The following PGM2L1 variants were observed in gnomAD, a reference collection of about 807,000 sequenced individuals.
PGM2L1 encodes phosphoglucomutase 2 like 1.
A neutral mutation model predicts 73.4 loss-of-function variants in PGM2L1; 35 were observed. The observed-to-expected ratio is 0.48, with a 90% CI of 0.36 to 0.63. The LOEUF is 0.63. PGM2L1 is among the 30% of genes least tolerant of loss of function. The pLI is 0.00. For synonymous variants in PGM2L1, 225 were observed against 253.8 expected (o/e 0.89, Z 1.08); for missense variants, 570 against 742.0 (o/e 0.77, Z 2.69).
chr11:74,358,031 A>T (rs544289560), intron 5 of PGM2L1, among the ~76,000 whole-genome samples: 4 of 152,358 alleles, frequency 2.6e-5, no homozygotes, highest in Non-Finnish European at 5.9e-5. Flanking sequence ...ATGGATGAAT[A>T]GGCAGAACAC....
intron 12 of PGM2L1, among the ~76,000 whole-genome samples, chr11:74,341,029 T>G (rs1320342811): frequency 6.6e-6 from 1 of 152,234 alleles, no homozygotes; most frequent in African/African-American, 2.4e-5. Flanking sequence ...ATTAGAAAGA[T>G]GTATGGCTTT....
At chr11:74,346,892 T>C (rs1160879678) in intron 7 of PGM2L1, 63 bp from the exon 8 acceptor site, 1 of 1,256,470 alleles carries the variant, frequency 8.0e-7, no homozygotes, top group African/African-American at 1.5e-5. Flanking sequence ...TTAACGTTCC[T>C]GTATGTAGGC....
At chr11:74,394,240 C>A (rs1863142737) in intron 1 of PGM2L1, among the ~76,000 whole-genome samples, 1 of 152,186 alleles carries the variant, frequency 6.6e-6, no homozygotes, top group Non-Finnish European at 1.5e-5. Flanking sequence ...TTGACTTCTC[C>A]TATGGTGCAT....
Position 74,398,383 on chromosome 11 carries a change from T to C in PGM2L1, c.-222A>G. ...CCCCAGCGGACCAGGTCCGGGTCTCTGGGCGAAGTGACTGAGGCGGTCGCG... is the reference window on the plus strand; with the variant it reads ...CCCCAGCGGACCAGGTCCGGGTCTCCGGGCGAAGTGACTGAGGCGGTCGCG... On this transcript the variant is annotated 5_prime_UTR_variant, in exon 1 of 14. Coordinates refer to ENST00000298198, the MANE Select transcript of PGM2L1 (RefSeq NM_173582.6). 3.4e-6 allele frequency: 2 copies of C among 586,906 alleles called. No individual in the cohort carries two copies. Among genetic ancestry groups the C allele is most frequent in the African/African-American group, 1.9e-5 (1 of 52,394 alleles). 36.4% of individuals were successfully genotyped at this position (586,906 alleles called of 1,614,324 possible).
intron 6 of PGM2L1, among the ~76,000 whole-genome samples, chr11:74,351,139 G>T (rs1862346050): frequency 6.6e-6 from 1 of 152,070 alleles, no homozygotes; most frequent in African/African-American, 2.4e-5. Context: ...TCCATGTTGT[G>T]GTATGTGAGT....
At chr11:74,361,469 A>G (rs1862562084) in intron 5 of PGM2L1, among the ~76,000 whole-genome samples, 1 of 152,228 alleles carries the variant, frequency 6.6e-6, no homozygotes, top group South Asian at 2.1e-4. Context: ...AGAAAAGCTG[A>G]AAATTCTAAA....
intron 3 of PGM2L1, 95 bp from the exon 4 acceptor site, chr11:74,371,081 T>TA: frequency 1.1e-6 from 1 of 873,440 alleles, no homozygotes; most frequent in South Asian, 1.6e-5. Flanking sequence ...TTAGTCTGAA[T>TA]AAATAGTATC....
intron 1 of PGM2L1, chr11:74,397,745 A>AT (rs71065081): frequency 0.049 from 7,367 of 149,592 alleles, 334 homozygotes; most frequent in African/African-American, 0.13. Flanking sequence ...AATGATGATG[A>AT]TTTTTTTTTT....
intron 1 of PGM2L1, among the ~76,000 whole-genome samples, chr11:74,375,544 G>C (rs1381618199): frequency 6.6e-6 from 1 of 152,056 alleles, no homozygotes; most frequent in East Asian, 1.9e-4. Flanking sequence ...AACATCCATA[G>C]TATATACAAT....
At chr11:74,396,705 C>T (rs1863182572) in intron 1 of PGM2L1, among the ~76,000 whole-genome samples, 1 of 152,210 alleles carries the variant, frequency 6.6e-6, no homozygotes, top group African/African-American at 2.4e-5. Flanking sequence ...TGAGCCACGG[C>T]GCCCGGCCGG....
chr11:74,345,410 G>A, intron 9 of PGM2L1, 59 bp downstream of exon 9: 1 of 1,399,440 alleles, frequency 7.1e-7, no homozygotes, highest in African/African-American at 1.4e-5. Flanking sequence ...GTGGGGAGAT[G>A]TCTTTAACAT....
At chr11:74,360,640 T>C (rs61109636) in intron 5 of PGM2L1, among the ~76,000 whole-genome samples, 5,557 of 152,036 alleles carry the variant, frequency 0.037, 113 homozygotes, top group Middle Eastern at 0.092. Flanking sequence ...CAAGGGGTCA[T>C]GGAATTCCCT....
In PGM2L1 at chr11:74,336,448, T is replaced by C. The variant is rs886513650; in HGVS notation, c.*204A>G. Reference sequence around the variant, plus strand: ...CTTTTGTTTGAATTATGAAAAAATTTGAATCATTTCCCTCTAGACCATTTC... The same window carrying C: ...CTTTTGTTTGAATTATGAAAAAATTCGAATCATTTCCCTCTAGACCATTTC... On this transcript the variant is annotated 3_prime_UTR_variant, in exon 14 of 14. Coordinates refer to ENST00000298198, the MANE Select transcript of PGM2L1 (RefSeq NM_173582.6). 1 of 352,246 alleles carries C rather than the reference T, an allele frequency of 2.8e-6. No individual in the cohort carries two copies. Among genetic ancestry groups the C allele is most frequent in the Admixed American group, 4.4e-5 (1 of 22,746 alleles). 21.8% of individuals were successfully genotyped at this position (352,246 alleles called of 1,614,324 possible). A position where few individuals can be genotyped will look rare whatever the true frequency, so the allele number is the denominator to read the frequency against.
intron 5 of PGM2L1, among the ~76,000 whole-genome samples, chr11:74,353,964 CTCCATAAG>C (rs922354391): frequency 2.6e-5 from 4 of 151,924 alleles, no homozygotes; most frequent in African/African-American, 9.7e-5. Context: ...AAAAGATTCT[CTCCATAAG>C]TCCTGAAAGC....
chr11:74,379,189 G>A (rs990141710), intron 1 of PGM2L1, among the ~76,000 whole-genome samples: 42 of 152,074 alleles, frequency 2.8e-4, no homozygotes, highest in African/African-American at 9.2e-4. Flanking sequence ...TTTAGTCATC[G>A]CAGAAGGGAA....
intron 1 of PGM2L1, among the ~76,000 whole-genome samples, chr11:74,396,710 G>T (rs78790545): frequency 6.6e-6 from 1 of 152,172 alleles, no homozygotes; most frequent in Non-Finnish European, 1.5e-5. Context: ...CACGGCGCCC[G>T]GCCGGAAATT....
At position 74,363,148 on chromosome 11, in the gene PGM2L1, T is replaced by C. The variant is rs1453662521; in HGVS notation, c.555+5344A>G. ...TGCTCCTGAATGACTACTGGGTACA[T>C]AATGAAATGAAGGCAGAAATAAAGA... On this transcript the variant is annotated intron_variant, in intron 5 of 13. Transcript: ENST00000298198. Among the ~76,000 whole-genome samples the C allele has an allele frequency of 3.9e-5, 6 of 152,266 alleles. No homozygotes were observed. In the South Asian group the frequency reaches 1.0e-3, roughly 26 times the overall value.
At chr11:74,390,876 C>T (rs965629655) in intron 1 of PGM2L1, among the ~76,000 whole-genome samples, 1 of 152,032 alleles carries the variant, frequency 6.6e-6, no homozygotes, top group Non-Finnish European at 1.5e-5. Flanking sequence ...TTGTATGATG[C>T]CACTTATATG....
intron 5 of PGM2L1, among the ~76,000 whole-genome samples, chr11:74,358,073 TATG>T (rs1862490344): frequency 6.6e-6 from 1 of 152,246 alleles, no homozygotes; most frequent in African/African-American, 2.4e-5. Flanking sequence ...AAATACTCTG[TATG>T]ATACTATAAT....
Sources: gnomAD v4.1 joint callset for allele counts (sites outside exome capture counted in the v4.1 genomes callset) on GRCh38, gnomAD v4.1.1 for gene constraint, MANE v1.5 for transcripts, NCBI Gene and HGNC (gene_info 2026-07-23, HGNC 2026-07-21) for gene names.